TAFA2: variants seen among roughly 807,000 people sequenced by gnomAD.
TAFA2 encodes chemokine-like protein TAFA-2.
Under a neutral mutation model 18.8 loss-of-function variants are expected in TAFA2, and 7 were observed. That is an observed-to-expected ratio of 0.37 (90% CI 0.21 to 0.70). The LOEUF is 0.70. TAFA2 is among the 30% of genes least tolerant of loss of function. TAFA2 has a pLI of 0.53. For missense variants in TAFA2, 122 were observed against 158.1 expected (o/e 0.77, Z 1.23); for synonymous variants, 60 against 54.2 (o/e 1.11, Z -0.47).
intron 2 of TAFA2, among the ~76,000 whole-genome samples, chr12:61,851,815 A>C (rs1282499861): frequency 7.7e-6 from 1 of 129,666 alleles, no homozygotes; most frequent in Non-Finnish European, 1.7e-5. Context: ...AAAAAAAAAA[A>C]AAACATGTTC....
At chr12:62,210,081 G>C (rs2062707402) in intron 1 of TAFA2, among the ~76,000 whole-genome samples, 1 of 151,886 alleles carries the variant, frequency 6.6e-6, no homozygotes, top group Admixed American at 6.6e-5. Context: ...GCGCCTGTGG[G>C]AGGCTAAGGC....
chr12:62,235,788 G>T (rs2062834485), intron 1 of TAFA2, among the ~76,000 whole-genome samples: 2 of 151,924 alleles, frequency 1.3e-5, no homozygotes, highest in African/African-American at 2.4e-5. Context: ...GGGTCTCATT[G>T]TGTCACCCAG....
chr12:61,902,264 A>G (rs1164715983), intron 1 of TAFA2, among the ~76,000 whole-genome samples: 1 of 152,150 alleles, frequency 6.6e-6, no homozygotes, highest in Non-Finnish European at 1.5e-5. Flanking sequence ...TTTACATCTA[A>G]AAGATGAACA....
At chr12:62,147,151 T>C (rs79008278) in intron 1 of TAFA2, among the ~76,000 whole-genome samples, 1 of 150,812 alleles carries the variant, frequency 6.6e-6, no homozygotes, top group Non-Finnish European at 1.5e-5. Flanking sequence ...CCTCTCACTA[T>C]ATACAAAAAT....
intron 1 of TAFA2, among the ~76,000 whole-genome samples, chr12:62,223,849 T>C (rs11174379): frequency 0.31 from 47,370 of 152,028 alleles, 8,220 homozygotes; most frequent in African/African-American, 0.47. Context: ...TAAGATAGTA[T>C]GATTGCTTTG....
At chr12:61,819,607 A>G (rs1869891) in intron 2 of TAFA2, among the ~76,000 whole-genome samples, 70,874 of 151,988 alleles carry the variant, frequency 0.47, 16,564 homozygotes, top group Admixed American at 0.55. Context: ...CAGATTCTAT[A>G]TTATCTTTGC....
chr12:61,951,086 A>C (rs1344429957), intron 1 of TAFA2, among the ~76,000 whole-genome samples: 1 of 152,070 alleles, frequency 6.6e-6, no homozygotes, highest in Non-Finnish European at 1.5e-5. Flanking sequence ...GTAGTTCCAG[A>C]GACGAAAAAA....
intron 1 of TAFA2, among the ~76,000 whole-genome samples, chr12:61,951,504 C>T (rs1466954381): frequency 6.6e-6 from 1 of 151,792 alleles, no homozygotes; most frequent in Non-Finnish European, 1.5e-5. Context: ...AATTAGGCAA[C>T]AGTAATTGGA....
At chr12:61,970,375 A>T (rs1879206849) in intron 1 of TAFA2, among the ~76,000 whole-genome samples, 1 of 151,550 alleles carries the variant, frequency 6.6e-6, no homozygotes, top group Non-Finnish European at 1.5e-5. Context: ...TGTTAGAAAT[A>T]ATGGCCACAA....
At chr12:62,030,731 T>C (rs954119003) in intron 1 of TAFA2, among the ~76,000 whole-genome samples, 2 of 152,014 alleles carry the variant, frequency 1.3e-5, no homozygotes, top group Non-Finnish European at 2.9e-5. Context: ...CTAGAAAGTA[T>C]AGAGAGAATG....
intron 1 of TAFA2, among the ~76,000 whole-genome samples, chr12:61,897,131 C>T (rs144146008): frequency 2.0e-4 from 31 of 152,206 alleles, no homozygotes; most frequent in African/African-American, 7.0e-4. Flanking sequence ...AATAACATTA[C>T]CATTGGTCTT....
chr12:62,083,940 T>C (rs540288078), intron 1 of TAFA2, among the ~76,000 whole-genome samples: 5 of 152,314 alleles, frequency 3.3e-5, no homozygotes, highest in African/African-American at 9.6e-5. Flanking sequence ...TTATTCTCAT[T>C]GTATGTGTGC....
intron 4 of TAFA2, chr12:61,720,940 A>G (rs144152197): frequency 8.3e-5 from 43 of 517,820 alleles, no homozygotes; most frequent in Non-Finnish European, 1.6e-4. Context: ...GAACAAACAC[A>G]TGTCAGGCAC....
intron 2 of TAFA2, among the ~76,000 whole-genome samples, chr12:61,769,222 C>G (rs1016907398): frequency 3.3e-5 from 5 of 151,940 alleles, no homozygotes; most frequent in Non-Finnish European, 5.9e-5. Flanking sequence ...TCAGACATAC[C>G]TAACCCTACC....
At chr12:62,131,974 A>G (rs1870704087) in intron 1 of TAFA2, among the ~76,000 whole-genome samples, 1 of 151,864 alleles carries the variant, frequency 6.6e-6, no homozygotes, top group African/African-American at 2.4e-5. Flanking sequence ...AAAACCCTTG[A>G]TGTTCAAAGC....
At chr12:61,795,672 AT>A (rs1871159416) in intron 2 of TAFA2, among the ~76,000 whole-genome samples, 4 of 151,964 alleles carry the variant, frequency 2.6e-5, no homozygotes, top group Non-Finnish European at 4.4e-5. Context: ...ACATGTATAC[AT>A]ATGTAACAAA....
At chr12:62,101,279 C>G (rs1292385648) in intron 1 of TAFA2, among the ~76,000 whole-genome samples, 6 of 152,114 alleles carry the variant, frequency 3.9e-5, no homozygotes, top group African/African-American at 1.4e-4. Context: ...TGGATTTAAC[C>G]AATACAGTGC....
At chr12:62,066,377 G>A (rs1181890758) in intron 1 of TAFA2, among the ~76,000 whole-genome samples, 2 of 151,492 alleles carry the variant, frequency 1.3e-5, no homozygotes, top group African/African-American at 4.8e-5. Flanking sequence ...GCTAACAAAC[G>A]CTAGGTCTTA....
intron 2 of TAFA2, among the ~76,000 whole-genome samples, chr12:61,760,174 T>C (rs906993639): frequency 6.6e-6 from 1 of 151,176 alleles, no homozygotes; most frequent in Non-Finnish European, 1.5e-5. Flanking sequence ...TCAGCCTTTG[T>C]CCTTCTTATT....
Sources: allele counts gnomAD v4.1 joint callset (sites outside exome capture counted in the v4.1 genomes callset), GRCh38; gene constraint gnomAD v4.1.1; transcripts MANE v1.5; gene names NCBI Gene and HGNC (gene_info 2026-07-23, HGNC 2026-07-21).